NCAM2: variants seen among roughly 807,000 people sequenced by gnomAD.
NCAM2 encodes neural cell adhesion molecule 2.
Under a neutral mutation model 98.1 loss-of-function variants are expected in NCAM2, and 30 were observed. The observed-to-expected ratio is 0.31, with a 90% CI of 0.23 to 0.41. NCAM2 has a LOEUF of 0.41. Ranked by LOEUF, NCAM2 falls within the 10% of genes least tolerant of loss-of-function variation. The pLI is 1.00. For synonymous variants in NCAM2, 368 were observed against 342.4 expected (o/e 1.07, Z -0.83); for missense variants, 867 against 1,005.8 (o/e 0.86, Z 1.87).
chr21:21,021,095 T>C (rs949085625), intron 1 of NCAM2, among the ~76,000 whole-genome samples: 3 of 152,200 alleles, frequency 2.0e-5, no homozygotes, highest in Admixed American at 2.0e-4. Flanking sequence ...GATCTTCTGC[T>C]TTCATCCTTC....
chr21:21,350,233 T>TA (rs969345397), intron 8 of NCAM2, among the ~76,000 whole-genome samples: 13 of 151,824 alleles, frequency 8.6e-5, no homozygotes, highest in Admixed American at 5.3e-4. Context: ...AATTAAAAAT[T>TA]AAAAAAAATC....
At chr21:21,491,586 G>C (rs1182108008) in intron 15 of NCAM2, among the ~76,000 whole-genome samples, 1 of 151,574 alleles carries the variant, frequency 6.6e-6, no homozygotes, top group East Asian at 1.9e-4. Flanking sequence ...TTTTGACATA[G>C]ATATAAACAG....
At chr21:21,520,109 A>G (rs963727629) in intron 16 of NCAM2, among the ~76,000 whole-genome samples, 13 of 152,048 alleles carry the variant, frequency 8.5e-5, no homozygotes, top group Non-Finnish European at 1.6e-4. Flanking sequence ...TTATCTTTTT[A>G]CTGTTATTTA....
chr21:21,417,404 C>T (rs1282884803), intron 10 of NCAM2, among the ~76,000 whole-genome samples: 2 of 151,974 alleles, frequency 1.3e-5, no homozygotes, highest in Non-Finnish European at 2.9e-5. Flanking sequence ...GACTAGAAAA[C>T]GAATGACACA....
At chr21:21,474,747 T>C (rs534668934) in intron 14 of NCAM2, among the ~76,000 whole-genome samples, 6 of 152,156 alleles carry the variant, frequency 3.9e-5, no homozygotes, top group Non-Finnish European at 7.4e-5. Flanking sequence ...CCCTTCAGTG[T>C]CCTTGCCATA....
chr21:21,279,666 CTGT>C lies in NCAM2; in HGVS notation c.56-907_56-905del, dbSNP rs559586033. Among the ~76,000 whole-genome samples, 203 of 152,204 alleles carry C rather than the reference CTGT, an allele frequency of 1.3e-3. 2 individuals carry two copies. Among genetic ancestry groups the C allele is most frequent in the Middle Eastern group, 6.8e-3 (2 of 294 alleles). On this transcript the variant is annotated intron_variant, in intron 1 of 17. Transcript: ENST00000400546. ...TCGTTATCTGGTGTTCTATCACAGCCTGTTGTTCTGGGAAAACTTGGATCCTAT... is the reference window on the plus strand; with the variant it reads ...TCGTTATCTGGTGTTCTATCACAGCCTGTTCTGGGAAAACTTGGATCCTAT...
At position 21,215,620 on chromosome 21, in the gene NCAM2, C is replaced by A. The variant is rs756793849; in HGVS notation, c.56-64958C>A. Among the ~76,000 whole-genome samples the A allele has an allele frequency of 1.3e-5, 2 of 151,966 alleles. 1 individual carries two copies. The highest frequency in any genetic ancestry group is 4.1e-4 in the South Asian group (2 of 4,820). ...GTGCAAGCCTGTCATCCCAGCTACT[C>A]GGTAGGTTGAGGTAGGAGGTTTGCT... On this transcript the variant is annotated intron_variant, in intron 1 of 17. Transcript: ENST00000400546.
intron 1 of NCAM2, among the ~76,000 whole-genome samples, chr21:21,101,681 T>C (rs1356188055): frequency 6.6e-6 from 1 of 152,060 alleles, no homozygotes; most frequent in Non-Finnish European, 1.5e-5. Context: ...ATGTAACCAT[T>C]TCTCAAAAAG....
intron 15 of NCAM2, among the ~76,000 whole-genome samples, chr21:21,504,837 G>T (rs1987875281): frequency 6.6e-6 from 1 of 150,898 alleles, no homozygotes; most frequent in Admixed American, 6.6e-5. Flanking sequence ...TATTTGTGGG[G>T]TACATGACAA....
chr21:21,125,585 TAC>T (rs1471483844), intron 1 of NCAM2, among the ~76,000 whole-genome samples: 1 of 128,490 alleles, frequency 7.8e-6, no homozygotes, highest in African/African-American at 2.9e-5. Flanking sequence ...ACATATAATA[TAC>T]ATATTTATTA....
intron 8 of NCAM2, among the ~76,000 whole-genome samples, chr21:21,370,147 C>A (rs1460520299): frequency 2.6e-5 from 4 of 151,766 alleles, no homozygotes; most frequent in Non-Finnish European, 4.4e-5. Flanking sequence ...TCCGTTTTGG[C>A]ATAAATACCT....
At chr21:21,420,911 G>T (rs1397174622) in intron 11 of NCAM2, among the ~76,000 whole-genome samples, 1 of 151,732 alleles carries the variant, frequency 6.6e-6, no homozygotes, top group Non-Finnish European at 1.5e-5. Context: ...ATAAATTGAA[G>T]AATCAACTGT....
intron 2 of NCAM2, among the ~76,000 whole-genome samples, chr21:21,282,270 G>T (rs1040147977): frequency 6.6e-6 from 1 of 151,782 alleles, no homozygotes; most frequent in Admixed American, 6.6e-5. Context: ...GTACTTTTAT[G>T]GATTTGTATA....
intron 9 of NCAM2, among the ~76,000 whole-genome samples, chr21:21,375,402 A>G (rs1347754868): frequency 6.6e-6 from 1 of 151,724 alleles, no homozygotes; most frequent in African/African-American, 2.4e-5. Flanking sequence ...TTCTGACACA[A>G]ATTACTGACT....
intron 1 of NCAM2, among the ~76,000 whole-genome samples, chr21:21,168,952 A>T (rs938482482): frequency 4.6e-5 from 7 of 152,194 alleles, no homozygotes; most frequent in African/African-American, 1.7e-4. Flanking sequence ...GCTAAAGTTC[A>T]TGTGGAGAGG....
intron 1 of NCAM2, among the ~76,000 whole-genome samples, chr21:21,271,665 C>T (rs572196811): frequency 1.3e-5 from 2 of 152,028 alleles, no homozygotes; most frequent in South Asian, 4.2e-4. Flanking sequence ...TTGGAGTACT[C>T]ATGTATGACT....
At chr21:21,423,576 A>T (rs1262229544) in intron 11 of NCAM2, among the ~76,000 whole-genome samples, 1 of 152,070 alleles carries the variant, frequency 6.6e-6, no homozygotes, top group Admixed American at 6.6e-5. Context: ...AATTCATTTG[A>T]CTTTTGTTAT....
At chr21:21,213,028 C>G (rs960028382) in intron 1 of NCAM2, among the ~76,000 whole-genome samples, 4 of 152,124 alleles carry the variant, frequency 2.6e-5, no homozygotes, top group Non-Finnish European at 5.9e-5. Context: ...GCATGAGCCA[C>G]CACGCCTGAC....
intron 1 of NCAM2, among the ~76,000 whole-genome samples, chr21:21,232,538 C>A (rs2070671732): frequency 6.6e-6 from 1 of 151,424 alleles, no homozygotes; most frequent in South Asian, 2.1e-4. Flanking sequence ...CAGTTTGCTT[C>A]TCTTCTGGTA....
Sources: allele counts gnomAD v4.1 joint callset (sites outside exome capture counted in the v4.1 genomes callset), GRCh38; gene constraint gnomAD v4.1.1; transcripts MANE v1.5; gene names NCBI Gene and HGNC (gene_info 2026-07-23, HGNC 2026-07-21).